Variants in EPB41L3 observed in about 807,000 individuals in gnomAD.
EPB41L3 encodes band 4.1-like protein 3.
Under a neutral mutation model 127.1 loss-of-function variants are expected in EPB41L3, and 57 were observed. The observed-to-expected ratio is 0.45, with a 90% CI of 0.36 to 0.56. The LOEUF is 0.56. Among genes scored for constraint, EPB41L3 ranks in the 20% least tolerant of loss-of-function variants. The probability of loss-of-function intolerance (pLI) is 0.00; values close to 1 mark genes in which losing one functional copy is unlikely to be tolerated. For synonymous variants in EPB41L3, 572 were observed against 549.5 expected (o/e 1.04, Z -0.57); for missense variants, 1,273 against 1,372.2 (o/e 0.93, Z 1.14).
At chr18:5,565,011 A>G (rs936508020) in intron 3 of EPB41L3, among the ~76,000 whole-genome samples, 2 of 152,218 alleles carry the variant, frequency 1.3e-5, no homozygotes, top group Non-Finnish European at 2.9e-5. Context: ...TATTATTTAC[A>G]ATAATGATCT....
intron 3 of EPB41L3, among the ~76,000 whole-genome samples, chr18:5,452,830 C>G (rs1470602883): frequency 6.6e-6 from 1 of 152,010 alleles, no homozygotes; most frequent in Non-Finnish European, 1.5e-5. Flanking sequence ...GACAGTTTCC[C>G]TTTGTATAGT....
intron 1 of EPB41L3, among the ~76,000 whole-genome samples, chr18:5,621,544 G>C (rs1343945760): frequency 1.3e-5 from 2 of 152,158 alleles, no homozygotes; most frequent in East Asian, 3.9e-4. Flanking sequence ...TTCCAGACCA[G>C]CCTGGGAAAT....
chr18:5,532,981 T>C (rs1013918511), intron 1 of EPB41L3, among the ~76,000 whole-genome samples: 1 of 152,126 alleles, frequency 6.6e-6, no homozygotes, highest in Non-Finnish European at 1.5e-5. Flanking sequence ...TAGAGGAACA[T>C]TTTACTGGAC....
Position 5,415,809 on chromosome 18 carries a change from G to A in EPB41L3, c.2067+9C>T, listed in dbSNP as rs370727575. On this transcript the variant is annotated intron_variant, in intron 13 of 22. Coordinates refer to ENST00000341928, the MANE Select transcript of EPB41L3 (RefSeq NM_012307.5). Reference sequence around the variant, plus strand: ...GAAGGGGAAGCGTGTTCTATGCCGAGGTACACACCTCTTCCTCTGAACTGT... The same window carrying A: ...GAAGGGGAAGCGTGTTCTATGCCGAAGTACACACCTCTTCCTCTGAACTGT... The A allele has an allele frequency of 5.0e-6, 8 of 1,608,772 alleles. No individual in the cohort carries two copies. Among genetic ancestry groups the A allele is most frequent in the East Asian group, 2.2e-5 (1 of 44,806 alleles).
intron 11 of EPB41L3, chr18:5,420,231 C>T: frequency 3.0e-6 from 1 of 333,256 alleles, no homozygotes; most frequent in Non-Finnish European, 5.6e-6. Context: ...GGCGAGGCTG[C>T]CGCTGGGCAT....
At chr18:5,407,872 T>A (rs2075668950) in intron 14 of EPB41L3, 136 bp from the exon 15 acceptor site, 1 of 736,084 alleles carries the variant, frequency 1.4e-6, no homozygotes, top group East Asian at 2.5e-5. Context: ...TTCTTTCTTA[T>A]ACACAAACCA....
chr18:5,496,524 T>C (rs1207787627), intron 1 of EPB41L3, among the ~76,000 whole-genome samples: 2 of 152,188 alleles, frequency 1.3e-5, no homozygotes, highest in African/African-American at 4.8e-5. Context: ...ATTAAGTCTA[T>C]TGAGGGAGTG....
At chr18:5,455,867 G>A (rs1363577526) in intron 3 of EPB41L3, among the ~76,000 whole-genome samples, 1 of 150,622 alleles carries the variant, frequency 6.6e-6, no homozygotes, top group East Asian at 1.9e-4. Flanking sequence ...CTAAGCCAAC[G>A]CATGCAAAAT....
rs767116095 is a variant in EPB41L3, at chr18:5,428,369, C to T, written c.1009G>A (p.Val337Ile). Residue 337 changes from valine to isoleucine, a missense_variant, in exon 9 of 23, where the codon GTT (valine) becomes ATT (isoleucine). By Grantham distance (29) the Val-to-Ile change is conservative. Around this residue, in one of 3 missense-constraint regions of EPB41L3, gnomAD observed 326 missense variants for 440.2 expected, o/e 0.74. Coordinates refer to ENST00000341928, the MANE Select transcript of EPB41L3 (RefSeq NM_012307.5). Reference sequence around the variant, plus strand: ...TTCCGTTTGTATGAAATCTTTAGAACCTTGGGCCAGGCAAATCTGTTTATT... The same window carrying T: ...TTCCGTTTGTATGAAATCTTTAGAATCTTGGGCCAGGCAAATCTGTTTATT... ...LRINRFAWPK[V>I]LKISYKRNNF... 14 of 1,614,206 alleles carry T rather than the reference C, an allele frequency of 8.7e-6. No homozygotes were observed. The highest frequency in any genetic ancestry group is 1.6e-4 in the Middle Eastern group (1 of 6,062).
At chr18:5,544,477 A>G (rs938919363), upstream of EPB41L3, among the ~76,000 whole-genome samples, 1 of 152,148 alleles carries the variant, frequency 6.6e-6, no homozygotes, top group African/African-American at 2.4e-5. Context: ...TTAATAGAGA[A>G]GATCTGAATT....
intron 3 of EPB41L3, among the ~76,000 whole-genome samples, chr18:5,454,942 T>A (rs184130482): frequency 2.6e-4 from 40 of 152,338 alleles, no homozygotes; most frequent in African/African-American, 9.4e-4. Context: ...TCAAGTGCAG[T>A]ATATTAGACA....
intron 12 of EPB41L3, among the ~76,000 whole-genome samples, chr18:5,418,463 T>C (rs1319023989): frequency 6.6e-6 from 1 of 152,190 alleles, no homozygotes; most frequent in Non-Finnish European, 1.5e-5. Context: ...TTATAAAATG[T>C]TAGAATAACT....
chr18:5,492,818 G>A (rs1463260203), intron 1 of EPB41L3, among the ~76,000 whole-genome samples: 2 of 152,136 alleles, frequency 1.3e-5, no homozygotes, highest in African/African-American at 4.8e-5. Context: ...AAGTATGCTA[G>A]GCAGATGGCA....
At chr18:5,565,633 A>G (rs2094189476) in intron 3 of EPB41L3, among the ~76,000 whole-genome samples, 1 of 58,182 alleles carries the variant, frequency 1.7e-5, no homozygotes, top group Non-Finnish European at 3.2e-5. Flanking sequence ...CCCACCCCAC[A>G]ACAGGCCCCG....
chr18:5,569,660 G>A (rs1033475536), intron 3 of EPB41L3, among the ~76,000 whole-genome samples: 2 of 152,192 alleles, frequency 1.3e-5, no homozygotes, highest in African/African-American at 2.4e-5. Flanking sequence ...CCTCTGCTAA[G>A]GGCAGACAGC....
At chr18:5,396,698 G>A (rs533526124) in intron 18 of EPB41L3, among the ~76,000 whole-genome samples, 1 of 152,284 alleles carries the variant, frequency 6.6e-6, no homozygotes, top group East Asian at 1.9e-4. Flanking sequence ...GGTAAACATG[G>A]TTTTGGTGCT....
At chr18:5,553,551 T>G (rs2093993337) in intron 3 of EPB41L3, among the ~76,000 whole-genome samples, 1 of 152,246 alleles carries the variant, frequency 6.6e-6, no homozygotes, top group Non-Finnish European at 1.5e-5. Context: ...GGGGTCATTG[T>G]ATAAACATGT....
At chr18:5,551,361 C>T (rs938788038) in intron 3 of EPB41L3, among the ~76,000 whole-genome samples, 1 of 152,124 alleles carries the variant, frequency 6.6e-6, no homozygotes, top group Non-Finnish European at 1.5e-5. Flanking sequence ...TTCTGTTTTA[C>T]TAGCACAGAC....
chr18:5,583,465 A>G (rs1179264773), intron 3 of EPB41L3, among the ~76,000 whole-genome samples: 1 of 152,216 alleles, frequency 6.6e-6, no homozygotes, highest in Non-Finnish European at 1.5e-5. Flanking sequence ...ATTCAAAATC[A>G]ACAGGCTTTG....
Sources: allele counts gnomAD v4.1 joint callset (sites outside exome capture counted in the v4.1 genomes callset), GRCh38; gene constraint gnomAD v4.1.1; regional missense constraint gnomAD v4.1.1; transcripts MANE v1.5; gene names NCBI Gene and HGNC (gene_info 2026-07-23, HGNC 2026-07-21).